RIPK4: variants seen among roughly 807,000 people sequenced by gnomAD.
RIPK4 encodes receptor-interacting serine/threonine-protein kinase 4.
A neutral mutation model predicts 42.9 loss-of-function variants in RIPK4; 17 were observed. The ratio of observed to expected loss-of-function variants is 0.40; its 90% CI spans 0.27 to 0.59. The LOEUF (loss-of-function observed/expected upper bound fraction) is 0.59. Ranked by LOEUF, RIPK4 falls within the 20% of genes least tolerant of loss-of-function variation. The pLI is 0.47. For missense variants in RIPK4, 897 were observed against 1,104.4 expected (o/e 0.81, Z 2.66); for synonymous variants, 498 against 499.1 (o/e 1.00, Z 0.03).
At chr21:41,761,249 A>G (rs927630187) in intron 1 of RIPK4, among the ~76,000 whole-genome samples, 1 of 152,206 alleles carries the variant, frequency 6.6e-6, no homozygotes, top group Non-Finnish European at 1.5e-5. Context: ...GACACCTCTC[A>G]GCTCCCAGCC....
In RIPK4 at chr21:41,744,032, C is replaced by T; in HGVS notation, c.1045G>A (p.Gly349Ser). The change falls in exon 7 of 8, where the codon GGC becomes AGC. Residue 349 changes from glycine to serine, a missense_variant. Coordinates refer to ENST00000332512, the MANE Select transcript of RIPK4 (RefSeq NM_020639.3). The stretch of plus-strand genomic sequence containing the variant: ...GAGCTGCGGCTGAGCTCCTCGGGGC[C>T]CTCGACAGCCTGGGAAACTCCAGAG... Reference protein sequence around the residue: ...LDSGVSQAVEGPEELSRSSSE... With the variant: ...LDSGVSQAVESPEELSRSSSE... 6.2e-7 allele frequency: 1 copy of T among 1,613,126 alleles called. No individual in the cohort carries two copies. The highest frequency in any genetic ancestry group is 8.5e-7 in the Non-Finnish European group (1 of 1,179,966).
rs1305888905 is a variant in RIPK4, at chr21:41,766,845, G to T, written c.182+15C>A. 3.7e-6 allele frequency: 6 copies of T among 1,601,088 alleles called. No individual in the cohort carries two copies. Among genetic ancestry groups the T allele is most frequent in the Middle Eastern group, 1.7e-4 (1 of 5,944 alleles). On this transcript the variant is annotated intron_variant, in intron 1 of 7. Transcript: ENST00000332512. The stretch of plus-strand genomic sequence containing the variant: ...CGGGCCCCAGCCGCCCCAGCGCCCC[G>T]CCCGGGCCGCTCACCTGTCGTCGAC...
intron 1 of RIPK4, among the ~76,000 whole-genome samples, chr21:41,764,018 C>T (rs1569108259): frequency 6.6e-6 from 1 of 152,202 alleles, no homozygotes; most frequent in Non-Finnish European, 1.5e-5. Flanking sequence ...TCCAAAGCCA[C>T]CCCACAGGAC....
intron 1 of RIPK4, among the ~76,000 whole-genome samples, chr21:41,766,153 G>GA (rs2061235473): frequency 6.6e-6 from 1 of 152,234 alleles, no homozygotes; most frequent in South Asian, 2.1e-4. Flanking sequence ...CAGCTAAAAC[G>GA]AGAGTGTGCG....
At chr21:41,758,429 C>T (rs1246543767) in intron 1 of RIPK4, among the ~76,000 whole-genome samples, 5 of 152,144 alleles carry the variant, frequency 3.3e-5, no homozygotes, top group African/African-American at 7.2e-5. Flanking sequence ...TTCTGCTGCA[C>T]GAATGTACTG....
rs2061180827 is a variant in RIPK4, at chr21:41,749,219, G to C, written c.624-16C>G. On this transcript the variant is annotated splice_polypyrimidine_tract_variant and intron_variant, in intron 3 of 7. Coordinates refer to ENST00000332512, the MANE Select transcript of RIPK4 (RefSeq NM_020639.3). ...GATCGCAAAGCTGGAAGAGAAACCA[G>C]GCACGTTAGCATCTGACAGCCAGAG... 1.9e-6 allele frequency: 3 copies of C among 1,613,614 alleles called. No individual in the cohort carries two copies. Among genetic ancestry groups the C allele is most frequent in the Non-Finnish European group, 1.7e-6 (2 of 1,179,818 alleles).
chr21:41,750,809 C>T (rs1399207506), intron 3 of RIPK4, among the ~76,000 whole-genome samples: 5 of 152,188 alleles, frequency 3.3e-5, no homozygotes, highest in Non-Finnish European at 7.3e-5. Context: ...TCCCGAGTAG[C>T]TGGGACTACA....
chr21:41,750,224 G>C (rs570491304), intron 3 of RIPK4, among the ~76,000 whole-genome samples: 12 of 152,220 alleles, frequency 7.9e-5, no homozygotes, highest in Non-Finnish European at 1.8e-4. Flanking sequence ...GCTCACATGC[G>C]GGGTCCGAGT....
chr21:41,761,467 C>G (rs1052503988), intron 1 of RIPK4, among the ~76,000 whole-genome samples: 13 of 152,314 alleles, frequency 8.5e-5, no homozygotes, highest in African/African-American at 2.6e-4. Context: ...GCCAGCTTGC[C>G]GCCCCTCCCC....
intron 3 of RIPK4, 141 bp downstream of exon 3, chr21:41,750,956 G>A (rs968635424): frequency 1.9e-6 from 2 of 1,034,336 alleles, no homozygotes; most frequent in Non-Finnish European, 2.8e-6. Flanking sequence ...GGGATTACAG[G>A]CGTGAGTCAC....
intron 1 of RIPK4, among the ~76,000 whole-genome samples, chr21:41,762,457 C>T (rs2061223525): frequency 6.6e-6 from 1 of 152,238 alleles, no homozygotes; most frequent in Admixed American, 6.5e-5. Context: ...CAGCCCCTCT[C>T]CAGGTGCTCC....
chr21:41,752,810 C>A (rs1213906027), intron 2 of RIPK4, among the ~76,000 whole-genome samples: 1 of 152,068 alleles, frequency 6.6e-6, no homozygotes, highest in Admixed American at 6.5e-5. Context: ...ACATCACACG[C>A]CGGGCCCTGT....
chr21:41,744,698 C>T (rs994375561), intron 6 of RIPK4, among the ~76,000 whole-genome samples: 14 of 152,166 alleles, frequency 9.2e-5, no homozygotes, highest in African/African-American at 1.9e-4. Flanking sequence ...TGGCAGGAAA[C>T]GAGAGGACAG....
In RIPK4 at chr21:41,746,610, C is replaced by T. The variant is rs1365548845; in HGVS notation, c.832+3G>A. 3 of 1,608,428 alleles carry T rather than the reference C, an allele frequency of 1.9e-6. No individual in the cohort carries two copies. The African/African-American group carries it at 4.0e-5, about 21-fold the overall frequency. ...TGTGGCGGGGAGACCCCGGGGTGCT[C>T]ACCTTGGAAGGTGGGCCTAACTCGC... On this transcript the variant is annotated splice_donor_region_variant and intron_variant, in intron 5 of 7. Transcript: ENST00000332512.
intron 2 of RIPK4, among the ~76,000 whole-genome samples, chr21:41,754,063 A>T (rs1202123429): frequency 1.3e-5 from 2 of 152,200 alleles, no homozygotes; most frequent in East Asian, 1.9e-4. Flanking sequence ...AGCCCTGAGC[A>T]CTGAGGGAGC....
chr21:41,751,636 G>A lies in RIPK4; in HGVS notation c.475-391C>T, dbSNP rs746070153. Among the ~76,000 whole-genome samples the A allele has an allele frequency of 6.6e-6, 1 of 152,232 alleles. No individual in the cohort carries two copies. Among genetic ancestry groups the A allele is most frequent in the Non-Finnish European group, 1.5e-5 (1 of 68,034 alleles). ...GCCTTCGAGGGTTCAGGTAAAGAGA[G>A]ACACATGTGAAGACCAGGTCTGCTC... On this transcript the variant is annotated intron_variant, in intron 2 of 7. Transcript: ENST00000332512. The surrounding 1 kb of genome is among the most constrained non-coding windows in gnomAD (Gnocchi z 4.5).
chr21:41,762,271 G>A (rs2061222885), intron 1 of RIPK4, among the ~76,000 whole-genome samples: 1 of 152,230 alleles, frequency 6.6e-6, no homozygotes. Context: ...TTCCAGCTGA[G>A]GAAGGGGGTC....
intron 1 of RIPK4, among the ~76,000 whole-genome samples, chr21:41,758,503 G>A (rs2061211769): frequency 6.6e-6 from 1 of 152,206 alleles, no homozygotes. Context: ...GGATAATGCT[G>A]CACATCTGCA....
chr21:41,745,200 C>T (rs2061166844), intron 6 of RIPK4, among the ~76,000 whole-genome samples: 1 of 152,196 alleles, frequency 6.6e-6, no homozygotes, highest in African/African-American at 2.4e-5. Context: ...CCTGAGCTCA[C>T]ACCAACAGCC....
Sources: gnomAD v4.1 joint callset for allele counts (sites outside exome capture counted in the v4.1 genomes callset) on GRCh38, gnomAD v4.1.1 for gene constraint, Gnocchi (gnomAD v3.1) non-coding constraint, MANE v1.5 for transcripts, NCBI Gene and HGNC (gene_info 2026-07-23, HGNC 2026-07-21) for gene names.